The following PAGE2 variants were observed in gnomAD, a reference collection of about 807,000 sequenced individuals.
PAGE2 encodes the protein PAGE family member 2.
Under a neutral mutation model 7.5 loss-of-function variants are expected in PAGE2, and 6 were observed. The ratio of observed to expected loss-of-function variants is 0.80; its 90% CI spans 0.44 to 1.57. The LOEUF is 1.57. PAGE2 is among the 40% of genes most tolerant of loss of function. The probability of loss-of-function intolerance (pLI) is 0.01; values close to 1 mark genes in which losing one functional copy is unlikely to be tolerated. For synonymous variants in PAGE2, 22 were observed against 25.4 expected, an observed-to-expected ratio of 0.87 and a Z score of 0.41; for missense variants, 72 against 76.4, an observed-to-expected ratio of 0.94 and a Z score of 0.21.
chrX:55,089,801 G>A (rs1195496176), intron 1 of PAGE2, among the ~76,000 whole-genome samples: 1 of 110,745 alleles, frequency 9.0e-6, no homozygotes, highest in Non-Finnish European at 1.9e-5. Flanking sequence ...TTGCTATGGC[G>A]TTAAGGGGAT....
chrX:55,090,382 T>G, intron 2 of PAGE2, 120 bp from the exon 3 acceptor site: 1 of 687,235 alleles, frequency 1.5e-6, no homozygotes, highest in Non-Finnish European at 2.2e-6. Context: ...TCTATCTATA[T>G]GTGTGTGTAT....
chrX:55,089,899 T>G (rs1023506775), intron 1 of PAGE2, 114 bp from the exon 2 acceptor site: 2 of 575,502 alleles, frequency 3.5e-6, no homozygotes, highest in South Asian at 6.3e-5. Context: ...TGTGACTTAA[T>G]TTGAAAATAT....
chrX:55,090,103 T>A lies in PAGE2; in HGVS notation c.83T>A (p.Ile28Asn). Reference protein sequence around the residue: ...QESSQPVGSVIVQEPTEEKRQ... With the variant: ...QESSQPVGSVNVQEPTEEKRQ... ...TCTTCCCAGCCGGTTGGATCTGTGA[T>A]TGTGAGTCTTTTAACATTTGATGTT... Residue 28 changes from isoleucine to asparagine, a missense_variant and splice_region_variant, in exon 2 of 5, where the codon ATT (isoleucine) becomes AAT (asparagine). Transcript: ENST00000374968. 1 of 1,193,967 alleles carries A rather than the reference T, an allele frequency of 8.4e-7. No individual in the cohort carries two copies. The highest frequency in any genetic ancestry group is 1.1e-6 in the Non-Finnish European group (1 of 882,794).
intron 1 of PAGE2, 142 bp downstream of exon 1, chrX:55,089,245 G>C (rs1353997873): frequency 9.0e-6 from 1 of 111,304 alleles, no homozygotes; most frequent in African/African-American, 3.4e-5. Context: ...GCTCCTCCCA[G>C]GTCGCGACGC....
chrX:55,090,137 A>G (rs776122659), intron 2 of PAGE2, 33 bp downstream of exon 2: 3 of 1,140,715 alleles, frequency 2.6e-6, no homozygotes, highest in African/African-American at 1.9e-5. Context: ...TTTTCTATTA[A>G]CACAATTTAT....
At chrX:55,089,924 A>T in intron 1 of PAGE2, 89 bp from the exon 2 acceptor site, 2 of 710,556 alleles carry the variant, frequency 2.8e-6, no homozygotes, top group Admixed American at 3.3e-5. Flanking sequence ...AAAATTAAAA[A>T]AGTACAAATC....
At position 55,090,316 on chromosome X, in the gene PAGE2, A is replaced by ATCTG. The variant is rs199928814; in HGVS notation, c.85-174_85-171dup. On this transcript the variant is annotated intron_variant, in intron 2 of 4. Transcript: ENST00000374968. ...TCTCTCTCTCTATCTCTATGTATGT[A>ATCTG]TCTGTCTGTCTGTCTATCTATCTAT... Among the ~76,000 whole-genome samples, 36 of 95,490 alleles carry ATCTG rather than the reference A, an allele frequency of 3.8e-4. 1 individual carries two copies. Among genetic ancestry groups the ATCTG allele is most frequent in the East Asian group, 1.2e-3 (4 of 3,251 alleles). The allele number at this position is 95,490 out of a possible 115,157, so 82.9% of individuals were successfully genotyped here. A position where few individuals can be genotyped will look rare whatever the true frequency, so the allele number is the denominator to read the frequency against.
intron 1 of PAGE2, 21 bp from the exon 2 acceptor site, chrX:55,089,992 A>G (rs1402639795): frequency 7.2e-6 from 8 of 1,118,365 alleles, no homozygotes; most frequent in Non-Finnish European, 9.8e-6. Flanking sequence ...CTTTTTCCAA[A>G]TAACAATATT....
chrX:55,090,799 G>C (rs1475715224), intron 3 of PAGE2, among the ~76,000 whole-genome samples, 189 bp downstream of exon 3: 2 of 108,494 alleles, frequency 1.8e-5, no homozygotes, highest in Non-Finnish European at 3.8e-5. Context: ...CCACTTTGAT[G>C]GAGGCTTTTT....
intron 2 of PAGE2, 136 bp downstream of exon 2, chrX:55,090,240 G>A (rs942860408): frequency 2.2e-5 from 16 of 722,389 alleles, no homozygotes; most frequent in Non-Finnish European, 3.0e-5. Flanking sequence ...GGAAACTTTG[G>A]TTCAGGAATA....
In PAGE2 at chrX:55,089,110, C is replaced by G. The variant is rs7052708; in HGVS notation, c.-9+7C>G. 7,907 of 111,577 alleles carry G rather than the reference C, an allele frequency of 0.071. 888 individuals are homozygous for G. The highest frequency in any genetic ancestry group is 0.24 in the African/African-American group (7,202 of 29,816). 9.2% of individuals were successfully genotyped at this position (111,577 alleles called of 1,213,427 possible). A position where few individuals can be genotyped will look rare whatever the true frequency, so the allele number is the denominator to read the frequency against. Reference sequence around the variant, plus strand: ...ACTGACCAAGACTCAGCCGGTAGGTCTGCAGAACGGTGTTACTGGGAATTT... The same window carrying G: ...ACTGACCAAGACTCAGCCGGTAGGTGTGCAGAACGGTGTTACTGGGAATTT... On this transcript the variant is annotated splice_region_variant and intron_variant, in intron 1 of 4. Coordinates refer to ENST00000374968, the MANE Select transcript of PAGE2 (RefSeq NM_207339.4).
At chrX:55,089,612 T>C (rs1936635890) in intron 1 of PAGE2, among the ~76,000 whole-genome samples, 1 of 107,980 alleles carries the variant, frequency 9.3e-6, no homozygotes, top group Admixed American at 9.6e-5. Context: ...TGGGCGAGGC[T>C]GTGCTTTCCA....
At chrX:55,090,896 G>A (rs1936649831) in intron 3 of PAGE2, among the ~76,000 whole-genome samples, 2 of 108,751 alleles carry the variant, frequency 1.8e-5, no homozygotes, top group African/African-American at 7.1e-5. Flanking sequence ...TTTTGTTGCT[G>A]TGGAAGAATG....
intron 2 of PAGE2, 117 bp from the exon 3 acceptor site, chrX:55,090,385 G>T: frequency 1.4e-6 from 1 of 706,058 alleles, no homozygotes; most frequent in Non-Finnish European, 2.1e-6. Flanking sequence ...ATCTATATGT[G>T]TGTGTATGTG....
chrX:55,090,726 T>G (rs1330894633), intron 3 of PAGE2, 116 bp downstream of exon 3: 70 of 554,393 alleles, frequency 1.3e-4, no homozygotes, highest in Non-Finnish European at 1.9e-4. Context: ...TCTTAAACAT[T>G]TCCTACTGCT....
chrX:55,090,053 C>T lies in PAGE2; in HGVS notation c.33C>T (p.Ser11=). Residue 11 remains serine (S), a synonymous_variant, in exon 2 of 5, where the codon TCC becomes TCT. Coordinates refer to ENST00000374968, the MANE Select transcript of PAGE2 (RefSeq NM_207339.4). Reference sequence around the variant, plus strand: ...AGCTTCTAAGAGCAAGATCCCAATCCTCAGAAAGAGGAAATGACCAAGAGT... The same window carrying T: ...AGCTTCTAAGAGCAAGATCCCAATCTTCAGAAAGAGGAAATGACCAAGAGT... MSELLRARSQ[S]SERGNDQESS... 2 of 1,204,063 alleles carry T rather than the reference C, an allele frequency of 1.7e-6. No homozygotes were observed. Among genetic ancestry groups the T allele is most frequent in the Non-Finnish European group, 2.2e-6 (2 of 890,443 alleles).
At position 55,091,461 on chromosome X, in the gene PAGE2, T is replaced by G; in HGVS notation, c.319+4T>G. ...CTCACTAAAGTGCTGGAAGCAGGTTTGTTATTCATTTAAGATGCAAACTAT... is the reference window on the plus strand; with the variant it reads ...CTCACTAAAGTGCTGGAAGCAGGTTGGTTATTCATTTAAGATGCAAACTAT... On this transcript the variant is annotated splice_donor_region_variant and intron_variant, in intron 4 of 4. Transcript: ENST00000374968. 8.3e-7 allele frequency: 1 copy of G among 1,204,354 alleles called. No individual in the cohort carries two copies. Among genetic ancestry groups the G allele is most frequent in the Non-Finnish European group, 1.1e-6 (1 of 893,604 alleles).
chrX:55,089,230 A>C (rs1006672871), intron 1 of PAGE2, 127 bp downstream of exon 1: 7 of 111,366 alleles, frequency 6.3e-5, no homozygotes, highest in African/African-American at 2.4e-4. Context: ...CGGGGCCGTC[A>C]TCCAGCTCCT....
In PAGE2 at chrX:55,090,008, T is replaced by C. The variant is rs1314582900; in HGVS notation, c.-8-5T>C. 8.7e-7 allele frequency: 1 copy of C among 1,154,868 alleles called. No individual in the cohort carries two copies. On this transcript the variant is annotated splice_region_variant and splice_polypyrimidine_tract_variant and intron_variant, in intron 1 of 4. Transcript: ENST00000374968. ...TTTTTCCAAATAACAATATTCTGTTTGCAGTGGGAAATATGAGTGAGCTTC... is the reference window on the plus strand; with the variant it reads ...TTTTTCCAAATAACAATATTCTGTTCGCAGTGGGAAATATGAGTGAGCTTC...
Sources: gnomAD v4.1 joint callset for allele counts (sites outside exome capture counted in the v4.1 genomes callset) on GRCh38, gnomAD v4.1.1 for gene constraint, MANE v1.5 for transcripts, NCBI Gene and HGNC (gene_info 2026-07-23, HGNC 2026-07-21) for gene names.